The following UNC13C variants were observed in gnomAD, a reference collection of about 807,000 sequenced individuals.
The protein encoded by UNC13C is unc-13 homolog C, also known as protein unc-13 homolog C.
A neutral mutation model predicts 245.4 loss-of-function variants in UNC13C; 174 were observed. The observed-to-expected ratio is 0.71, with a 90% CI of 0.63 to 0.80. UNC13C has a LOEUF of 0.80. Ranked by LOEUF, UNC13C falls within the 30% of genes least tolerant of loss-of-function variation. The pLI is 0.00. For missense variants in UNC13C, 2,829 were observed against 2,602.9 expected (o/e 1.09, Z -1.89); for synonymous variants, 992 against 895.1 (o/e 1.11, Z -1.93).
chr15:54,070,740 T>C (rs939422706), intron 2 of UNC13C, among the ~76,000 whole-genome samples: 5 of 152,174 alleles, frequency 3.3e-5, no homozygotes, highest in Non-Finnish European at 5.9e-5. Flanking sequence ...TTTCTCGGCT[T>C]CCTTCATCTA....
chr15:54,003,319 C>T (rs1170737014), intron 1 of UNC13C, among the ~76,000 whole-genome samples: 1 of 152,088 alleles, frequency 6.6e-6, no homozygotes, highest in Non-Finnish European at 1.5e-5. Flanking sequence ...GCCAGGGTAC[C>T]TGTATTCTGC....
chr15:53,894,720 A>C, the UNC13C span, among the ~76,000 whole-genome samples: 1 of 152,182 alleles, frequency 6.6e-6, no homozygotes, highest in Non-Finnish European at 1.5e-5. Flanking sequence ...TTTAATTATC[A>C]GTAGAAACAT....
intron 19 of UNC13C, among the ~76,000 whole-genome samples, chr15:54,475,904 A>G (rs979805221): frequency 3.6e-5 from 4 of 110,370 alleles, no homozygotes; most frequent in African/African-American, 1.4e-4. Flanking sequence ...CAATGGTTGA[A>G]CTAGTTTACA....
downstream of UNC13C, chr15:54,632,523 G>T (rs1409100085): frequency 6.6e-6 from 1 of 152,190 alleles, no homozygotes; most frequent in African/African-American, 2.4e-5. Context: ...TGTAAAGTTT[G>T]AGTTAAGGTT....
intron 19 of UNC13C, among the ~76,000 whole-genome samples, chr15:54,453,321 C>G (rs1174053508): frequency 6.6e-6 from 1 of 152,104 alleles, no homozygotes; most frequent in Admixed American, 6.5e-5. Context: ...GCTTCTCTGT[C>G]CTTCCTTCTT....
chr15:54,264,927 A>G (rs2036516101), intron 9 of UNC13C, among the ~76,000 whole-genome samples: 1 of 151,996 alleles, frequency 6.6e-6, no homozygotes, highest in Admixed American at 6.6e-5. Flanking sequence ...TGTATTTACA[A>G]GATAAAGAAA....
intron 2 of UNC13C, among the ~76,000 whole-genome samples, chr15:54,023,812 T>C (rs1051440148): frequency 2.0e-4 from 30 of 152,304 alleles, no homozygotes; most frequent in African/African-American, 7.2e-4. Flanking sequence ...CAGGTTGTAC[T>C]AGGAATGTTG....
intron 2 of UNC13C, among the ~76,000 whole-genome samples, chr15:54,019,106 A>G (rs904589699): frequency 2.0e-5 from 3 of 152,168 alleles, no homozygotes; most frequent in African/African-American, 4.8e-5. Context: ...ACTTCTTATA[A>G]CACCACTATT....
the UNC13C span, among the ~76,000 whole-genome samples, chr15:53,839,558 C>T: frequency 2.6e-5 from 4 of 151,824 alleles, no homozygotes; most frequent in Admixed American, 6.6e-5. Flanking sequence ...CTTTCAATAC[C>T]TTTATATTTT....
intron 4 of UNC13C, among the ~76,000 whole-genome samples, chr15:54,213,169 A>G (rs776446618): frequency 5.9e-5 from 9 of 152,026 alleles, no homozygotes; most frequent in Non-Finnish European, 1.0e-4. Context: ...TTAAAAGATG[A>G]ATATTCCACA....
intron 2 of UNC13C, among the ~76,000 whole-genome samples, chr15:54,036,129 C>T (rs1185449498): frequency 2.0e-5 from 3 of 152,186 alleles, no homozygotes; most frequent in African/African-American, 7.2e-5. Context: ...TGTATTCATT[C>T]TCAATGAACC....
At chr15:53,967,848 G>A in the UNC13C span, among the ~76,000 whole-genome samples, 7,148 of 152,230 alleles carry the variant, frequency 0.047, 271 homozygotes, top group African/African-American at 0.1. Flanking sequence ...ATGAAACAGT[G>A]CCAACTGTGA....
At chr15:53,950,963 GA>G in the UNC13C span, among the ~76,000 whole-genome samples, 417 of 152,258 alleles carry the variant, frequency 2.7e-3, 2 homozygotes, top group African/African-American at 9.5e-3. Flanking sequence ...GCAATCTAGT[GA>G]AAACAGCCCT....
intron 2 of UNC13C, among the ~76,000 whole-genome samples, chr15:54,129,020 G>C (rs974249197): frequency 2.0e-5 from 3 of 152,156 alleles, no homozygotes; most frequent in Admixed American, 2.0e-4. Flanking sequence ...TGCTTCTTTT[G>C]GGTGGAAGTT....
At chr15:54,457,126 TTGAGA>T (rs1276412867) in intron 19 of UNC13C, among the ~76,000 whole-genome samples, 1 of 152,168 alleles carries the variant, frequency 6.6e-6, no homozygotes, top group African/African-American at 2.4e-5. Flanking sequence ...TCTGTGTCTG[TTGAGA>T]TGATCATATG....
At chr15:54,534,118 G>A (rs1289975923) in intron 26 of UNC13C, among the ~76,000 whole-genome samples, 1 of 152,096 alleles carries the variant, frequency 6.6e-6, no homozygotes, top group Non-Finnish European at 1.5e-5. Flanking sequence ...CCACTGCATC[G>A]CTGCCACCAG....
intron 17 of UNC13C, among the ~76,000 whole-genome samples, chr15:54,389,213 G>A (rs2039902809): frequency 6.6e-6 from 1 of 152,226 alleles, no homozygotes; most frequent in South Asian, 2.1e-4. Context: ...AACAGGAAGG[G>A]AATGGAGGGC....
the UNC13C span, among the ~76,000 whole-genome samples, chr15:53,846,942 C>A: frequency 6.6e-6 from 1 of 152,048 alleles, no homozygotes; most frequent in Non-Finnish European, 1.5e-5. Flanking sequence ...TTGGAGGAGT[C>A]AAGTCTCACA....
intron 31 of UNC13C, among the ~76,000 whole-genome samples, chr15:54,623,501 G>A (rs557255986): frequency 5.9e-5 from 9 of 152,056 alleles, no homozygotes; most frequent in Admixed American, 2.6e-4. Context: ...TGTTCAATAC[G>A]AACAACACCA....
Sources: gnomAD v4.1 joint callset for allele counts (sites outside exome capture counted in the v4.1 genomes callset) on GRCh38, gnomAD v4.1.1 for gene constraint, MANE v1.5 for transcripts, NCBI Gene and HGNC (gene_info 2026-07-23, HGNC 2026-07-21) for gene names.